The following FKRP variants were observed in gnomAD, a reference collection of about 807,000 sequenced individuals.
FKRP encodes the protein ribitol 5-phosphate transferase FKRP.
In FKRP, 25 loss-of-function variants were observed where a neutral mutation model predicts 30.6. The ratio of observed to expected loss-of-function variants is 0.82; its 90% CI spans 0.60 to 1.14. The LOEUF is 1.14. Ranked by LOEUF, FKRP falls within the 50% of genes most tolerant of loss-of-function variation. The pLI is 0.00. For synonymous variants in FKRP, 358 were observed against 342.5 expected, an observed-to-expected ratio of 1.05 and a Z score of -0.50; for missense variants, 771 against 727.8, an observed-to-expected ratio of 1.06 and a Z score of -0.68.
At chr19:46,749,996 G>A (rs1297607293) in intron 3 of FKRP, among the ~76,000 whole-genome samples, 4 of 152,122 alleles carry the variant, frequency 2.6e-5, no homozygotes, top group African/African-American at 9.7e-5. Context: ...GGGATTACAG[G>A]CATGAGCCAC....
intron 3 of FKRP, among the ~76,000 whole-genome samples, chr19:46,751,589 T>G (rs1190723677): frequency 6.8e-6 from 1 of 146,314 alleles, no homozygotes; most frequent in Non-Finnish European, 1.5e-5. Flanking sequence ...GACGGAGTCT[T>G]GCTCTGTCGC....
In FKRP at chr19:46,756,620, C is replaced by T. The variant is rs2054932864; in HGVS notation, c.1170C>T (p.Arg390=). The T allele has an allele frequency of 4.3e-6, 7 of 1,612,448 alleles. No homozygotes were observed. The highest frequency in any genetic ancestry group is 5.9e-6 in the Non-Finnish European group (7 of 1,179,528). Residue 390 remains arginine (R), a synonymous_variant, in exon 4 of 4, where the codon CGC becomes CGT. Transcript: ENST00000318584. The surrounding 1 kb of genome is among the most constrained non-coding windows in gnomAD (Gnocchi z 6.6). ...GAEAGSVVDE[R]GFVWEKAVEG... ...AGGCCGGCTCGGTGGTGGATGAGCG[C>T]GGCTTCGTATGGGAGAAGGCGGTCG...
upstream of FKRP, chr19:46,746,004 C>T (rs1005294505): frequency 1.9e-6 from 2 of 1,077,744 alleles, no homozygotes; most frequent in African/African-American, 3.3e-5. Flanking sequence ...CCTCACTCGC[C>T]CTCCGGGACC....
intron 3 of FKRP, among the ~76,000 whole-genome samples, chr19:46,749,561 C>A (rs1316127480): frequency 6.6e-6 from 1 of 151,368 alleles, no homozygotes; most frequent in Non-Finnish European, 1.5e-5. Context: ...CCCATCTCTA[C>A]TAAAAATACA....
upstream of FKRP, chr19:46,746,044 C>CGGCCCGG: frequency 1.2e-6 from 1 of 867,340 alleles, no homozygotes; most frequent in Non-Finnish European, 1.5e-6. Context: ...CCCCCGCCGG[C>CGGCCCGG]CGTCCCGGCG....
rs1206095834 is a variant in FKRP, at chr19:46,756,808, C to T, written c.1358C>T (p.Pro453Leu). 1 of 1,600,620 alleles carries T rather than the reference C, an allele frequency of 6.2e-7. No homozygotes were observed. Among genetic ancestry groups the T allele is most frequent in the East Asian group, 2.3e-5 (1 of 44,198 alleles). Residue 453 changes from proline to leucine, a missense_variant, in exon 4 of 4, where the codon CCC becomes CTC. Physicochemically the swap from Pro to Leu is moderately conservative, Grantham distance 98 (BLOSUM62 -3). Coordinates refer to ENST00000318584, the MANE Select transcript of FKRP (RefSeq NM_024301.5). This position sits in a 1 kb window ranked among gnomAD's most constrained non-coding sequence, Gnocchi z 6.6. ...EHFLQPLVPL[P>L]FAGFVAQAPN... ...TTCCTGCAGCCGCTGGTGCCCCTGC[C>T]CTTTGCCGGCTTCGTGGCGCAGGCG...
rs1201804052 is a variant in FKRP at position 46,755,878 on chromosome 19, G to T, written c.428G>T (p.Arg143Leu). ...ARAEAPGLLE[R>L]MVEALRAGSA... The stretch of plus-strand genomic sequence containing the variant: ...GCTGAGGCACCTGGCCTGCTGGAGC[G>T]CATGGTGGAGGCGCTCCGCGCAGGA... Residue 143 changes from arginine to leucine, a missense_variant, in exon 4 of 4, where the codon CGC (arginine) becomes CTC (leucine). Physicochemically the swap from Arg to Leu is moderately radical, Grantham distance 102. Transcript: ENST00000318584. The T allele has an allele frequency of 2.0e-6, 3 of 1,495,758 alleles. No homozygotes were observed. In the African/African-American group the frequency reaches 4.2e-5, roughly 21 times the overall value. The allele number at this position is 1,495,758 out of a possible 1,614,324, so 92.7% of individuals were successfully genotyped here.
chr19:46,745,143 G>A (rs2054555250), upstream of FKRP, among the ~76,000 whole-genome samples: 1 of 149,076 alleles, frequency 6.7e-6, no homozygotes, highest in Non-Finnish European at 1.5e-5. Context: ...CGTCCTCATT[G>A]GCACCATCCC....
chr19:46,756,275 C>T lies in FKRP; in HGVS notation c.825C>T (p.Arg275=), dbSNP rs1457625449. The change falls in exon 4 of 4, where the codon CGC becomes CGT. Residue 275 remains arginine, a synonymous_variant. Transcript: ENST00000318584. The surrounding 1 kb of genome is among the most constrained non-coding windows in gnomAD (Gnocchi z 6.6). The stretch of plus-strand genomic sequence containing the variant: ...CGCTGCTCCGCGCGCTGGGCATCCG[C>T]CTAGTGAGCTGGGAAGGCGGGCGGC... ...RAALLRALGI[R]LVSWEGGRLE... The T allele has an allele frequency of 3.3e-6, 5 of 1,515,400 alleles. No individual in the cohort carries two copies. Among genetic ancestry groups the T allele is most frequent in the Non-Finnish European group, 4.4e-6 (5 of 1,135,188 alleles). 93.9% of individuals were successfully genotyped at this position (1,515,400 alleles called of 1,614,324 possible).
At chr19:46,750,445 C>T (rs2054769326) in intron 3 of FKRP, among the ~76,000 whole-genome samples, 1 of 152,208 alleles carries the variant, frequency 6.6e-6, no homozygotes, top group South Asian at 2.1e-4. Context: ...GTCAGTCAGA[C>T]AGTGTGGCAA....
rs759929539 is a variant in FKRP at position 46,756,933 on chromosome 19, G to T, written c.1483G>T (p.Gly495Cys). The T allele has an allele frequency of 6.2e-7, 1 of 1,612,920 alleles. No homozygotes were observed. Among genetic ancestry groups the T allele is most frequent in the Non-Finnish European group, 8.5e-7 (1 of 1,179,946 alleles). ...GGCACTGCTGAGTCTGACGGGAAGC[G>T]GCTGAAGCCCTGATAACCTCGCCTT... ...NPALLSLTGS[G>C] Residue 495 changes from glycine (G) to cysteine (C), a missense_variant, in exon 4 of 4, where the codon GGC (glycine) becomes TGC (cysteine). By Grantham distance (159) the Gly-to-Cys change is radical. Coordinates refer to ENST00000318584, the MANE Select transcript of FKRP (RefSeq NM_024301.5). The surrounding 1 kb of genome is among the most constrained non-coding windows in gnomAD (Gnocchi z 6.6).
chr19:46,746,440 G>A (rs1432892117), intron 1 of FKRP: 7 of 1,009,340 alleles, frequency 6.9e-6, no homozygotes, highest in African/African-American at 5.3e-5. Flanking sequence ...TGGAGGCCCC[G>A]GGGCCGGCCT....
At position 46,755,791 on chromosome 19, in the gene FKRP, C is replaced by G. The variant is rs143793528; in HGVS notation, c.341C>G (p.Ala114Gly). Residue 114 changes from alanine to glycine, a missense_variant, in exon 4 of 4, where the codon GCC becomes GGC. Physicochemically the swap from Ala to Gly is moderately conservative, Grantham distance 60. Coordinates refer to ENST00000318584, the MANE Select transcript of FKRP (RefSeq NM_024301.5). ...CCCGCCCTGGACCGGCCAGCCGCAG[C>G]CTCGCGCCCGGAGACCTACGTGGCC... ...LQPALDRPAA[A>G]SRPETYVATE... 19,402 of 1,520,312 alleles carry G rather than the reference C, an allele frequency of 0.013. 162 individuals are homozygous for G. Among genetic ancestry groups the G allele is most frequent in the Middle Eastern group, 0.024 (132 of 5,592 alleles). The allele number at this position is 1,520,312 out of a possible 1,614,324, so 94.2% of individuals were successfully genotyped here.
Position 46,756,218 on chromosome 19 carries a change from G to C in FKRP, c.768G>C (p.Lys256Asn). ...PPLATAHARW[K>N]AEREGRARRA... is the part of the protein sequence containing the mutation. Reference sequence around the variant, plus strand: ...TGGCCACGGCCCACGCGCGCTGGAAGGCTGAGCGCGAGGGACGCGCTCGGC... The same window carrying C: ...TGGCCACGGCCCACGCGCGCTGGAACGCTGAGCGCGAGGGACGCGCTCGGC... Residue 256 changes from lysine to asparagine, a missense_variant, in exon 4 of 4, where the codon AAG becomes AAC. Physicochemically the swap from Lys to Asn is moderately conservative, Grantham distance 94 (BLOSUM62 0). Coordinates refer to ENST00000318584, the MANE Select transcript of FKRP (RefSeq NM_024301.5). This position sits in a 1 kb window ranked among gnomAD's most constrained non-coding sequence, Gnocchi z 6.6. 1 of 1,444,664 alleles carries C rather than the reference G, an allele frequency of 6.9e-7. No homozygotes were observed. Among genetic ancestry groups the C allele is most frequent in the Non-Finnish European group, 9.0e-7 (1 of 1,105,788 alleles). The allele number at this position is 1,444,664 out of a possible 1,614,324, so 89.5% of individuals were successfully genotyped here.
At position 46,754,296 on chromosome 19, in the gene FKRP, C is replaced by T. The variant is rs549729291; in HGVS notation, c.-39-1116C>T. On this transcript the variant is annotated intron_variant, in intron 3 of 3. Transcript: ENST00000318584. Reference sequence around the variant, plus strand: ...CAAGTGATCCTCCTGCCTTGGCCTCCCAAATTGCTGGGATCACAGGTGTGA... The same window carrying T: ...CAAGTGATCCTCCTGCCTTGGCCTCTCAAATTGCTGGGATCACAGGTGTGA... 1.0e-3 allele frequency: 150 copies of T among 150,496 alleles called. 1 individual carries two copies. Among genetic ancestry groups the T allele is most frequent in the African/African-American group, 3.6e-3 (143 of 39,950 alleles). The allele number at this position is 150,496 out of a possible 1,614,324, so 9.3% of individuals were successfully genotyped here. A position where few individuals can be genotyped will look rare whatever the true frequency, so the allele number is the denominator to read the frequency against.
At chr19:46,753,391 A>T in intron 3 of FKRP, among the ~76,000 whole-genome samples, 2 of 147,444 alleles carry the variant, frequency 1.4e-5, no homozygotes, top group Admixed American at 6.9e-5. Context: ...CGGGAGGCAG[A>T]GGTTGCAGTG....
intron 3 of FKRP, among the ~76,000 whole-genome samples, chr19:46,753,296 A>G (rs1173549963): frequency 6.7e-6 from 1 of 149,018 alleles, no homozygotes; most frequent in East Asian, 2.0e-4. Context: ...CGTCTCTACT[A>G]AAAATACAAA....
At chr19:46,751,740 T>C (rs1253811720) in intron 3 of FKRP, among the ~76,000 whole-genome samples, 1 of 151,970 alleles carries the variant, frequency 6.6e-6, no homozygotes, top group African/African-American at 2.4e-5. Flanking sequence ...TAATTTTTTG[T>C]ATTTTTAGTA....
Position 46,756,523 on chromosome 19 carries a change from C to T in FKRP, c.1073C>T (p.Pro358Leu), listed in dbSNP as rs143031195. Residue 358 changes from proline to leucine, a missense_variant, in exon 4 of 4, where the codon CCA (proline) becomes CTA (leucine). By Grantham distance (98) the Pro-to-Leu change is moderately conservative. Coordinates refer to ENST00000318584, the MANE Select transcript of FKRP (RefSeq NM_024301.5). This position sits in a 1 kb window ranked among gnomAD's most constrained non-coding sequence, Gnocchi z 6.6. ...LGAARHGDII[P>L]WDYDVDLGIY... Reference sequence around the variant, plus strand: ...GCCGCCCGCCACGGGGACATCATCCCATGGGACTACGACGTGGACCTGGGC... The same window carrying T: ...GCCGCCCGCCACGGGGACATCATCCTATGGGACTACGACGTGGACCTGGGC... The T allele has an allele frequency of 8.3e-5, 132 of 1,595,158 alleles. No individual in the cohort carries two copies. The highest frequency in any genetic ancestry group is 2.7e-5 in the Non-Finnish European group (32 of 1,172,896).
Sources: gnomAD v4.1 joint callset for allele counts (sites outside exome capture counted in the v4.1 genomes callset) on GRCh38, gnomAD v4.1.1 for gene constraint, Gnocchi (gnomAD v3.1) non-coding constraint, MANE v1.5 for transcripts, NCBI Gene and HGNC (gene_info 2026-07-23, HGNC 2026-07-21) for gene names.